Variants in FZD3 observed in about 807,000 individuals in gnomAD.
The protein encoded by FZD3 is frizzled class receptor 3, also known as frizzled-3.
A neutral mutation model predicts 60.7 loss-of-function variants in FZD3; 30 were observed. That is an observed-to-expected ratio of 0.49 (90% CI 0.37 to 0.67). FZD3 has a LOEUF of 0.67. Among genes scored for constraint, FZD3 ranks in the 30% least tolerant of loss-of-function variants. The pLI is 0.00. For synonymous variants in FZD3, 246 were observed against 275.2 expected (o/e 0.89, Z 1.05); for missense variants, 605 against 838.7 (o/e 0.72, Z 3.44).
chr8:28,562,064 A>G lies in FZD3; in HGVS notation c.1788-734A>G, dbSNP rs1349881038. 3.9e-5 allele frequency among the ~76,000 whole-genome samples: 6 copies of G among 152,278 alleles called. 1 individual carries two copies. The South Asian group carries it at 6.2e-4, about 16-fold the overall frequency. On this transcript the variant is annotated intron_variant, in intron 7 of 7. Coordinates refer to ENST00000240093, the MANE Select transcript of FZD3 (RefSeq NM_017412.4). ...CAGTTAGCAGAGGAGCCCAGCTCACATACTCCAAGCTGGGTCTAGAGCTGA... is the reference window on the plus strand; with the variant it reads ...CAGTTAGCAGAGGAGCCCAGCTCACGTACTCCAAGCTGGGTCTAGAGCTGA...
rs920141315 is a variant in FZD3 at position 28,563,733 on chromosome 8, T to G, written c.*722T>G. 4.6e-5 allele frequency: 7 copies of G among 152,514 alleles called. No homozygotes were observed. The highest frequency in any genetic ancestry group is 1.7e-4 in the African/African-American group (7 of 41,450). 9.4% of individuals were successfully genotyped at this position (152,514 alleles called of 1,614,324 possible). On this transcript the variant is annotated 3_prime_UTR_variant, in exon 8 of 8. Transcript: ENST00000240093. ...GTAAATATTACTTTTTCTGGCTGTGTTTTTATAACTTATCCATATGCATGA... is the reference window on the plus strand; with the variant it reads ...GTAAATATTACTTTTTCTGGCTGTGGTTTTATAACTTATCCATATGCATGA...
rs78204739 is a variant in FZD3 at position 28,534,403 on chromosome 8, A to T, written c.1404+6239A>T. 4.6e-3 allele frequency among the ~76,000 whole-genome samples: 706 copies of T among 152,352 alleles called. 24 individuals are homozygous for T. The East Asian group carries it at 0.089, about 19-fold the overall frequency. On this transcript the variant is annotated intron_variant, in intron 5 of 7. Coordinates refer to ENST00000240093, the MANE Select transcript of FZD3 (RefSeq NM_017412.4). Reference sequence around the variant, plus strand: ...CCCCATTTCTACAAAAAATGTAAAAATTAGCCAGGCATGTTGGCATGTGCC... The same window carrying T: ...CCCCATTTCTACAAAAAATGTAAAATTTAGCCAGGCATGTTGGCATGTGCC...
chr8:28,540,033 T>C (rs911153958), intron 5 of FZD3, among the ~76,000 whole-genome samples: 2 of 152,128 alleles, frequency 1.3e-5, no homozygotes, highest in Non-Finnish European at 2.9e-5. Flanking sequence ...AAGGAGTTAT[T>C]GCAACTCTGT....
At chr8:28,540,260 C>T (rs1426466792) in intron 5 of FZD3, among the ~76,000 whole-genome samples, 1 of 152,146 alleles carries the variant, frequency 6.6e-6, no homozygotes, top group Non-Finnish European at 1.5e-5. Flanking sequence ...GACAGAGTCT[C>T]GCTCTGTTAC....
intron 7 of FZD3, among the ~76,000 whole-genome samples, chr8:28,560,107 G>GT (rs1385922095): frequency 1.3e-5 from 2 of 152,052 alleles, no homozygotes; most frequent in East Asian, 3.8e-4. Flanking sequence ...AAATAAGGAG[G>GT]TATTAGTAAA....
chr8:28,504,531 G>C (rs2130282595), intron 3 of FZD3, among the ~76,000 whole-genome samples: 1 of 152,332 alleles, frequency 6.6e-6, no homozygotes, highest in African/African-American at 2.4e-5. Context: ...TGTTTGTCCT[G>C]ACTTGGGTTC....
intron 5 of FZD3, among the ~76,000 whole-genome samples, chr8:28,528,460 C>A: frequency 6.6e-6 from 1 of 151,324 alleles, no homozygotes. Context: ...GGGAGAAGCA[C>A]TTTACCAACG....
chr8:28,537,986 G>T (rs149467392), intron 5 of FZD3, among the ~76,000 whole-genome samples: 1 of 151,776 alleles, frequency 6.6e-6, no homozygotes, highest in Admixed American at 6.6e-5. Flanking sequence ...GCGTGGTGGC[G>T]GGCGCCTGTA....
intron 3 of FZD3, among the ~76,000 whole-genome samples, chr8:28,515,748 G>A (rs1181118363): frequency 6.6e-6 from 1 of 152,170 alleles, no homozygotes; most frequent in East Asian, 1.9e-4. Flanking sequence ...ACCAATTTCA[G>A]GTTTTTCTTA....
rs1258006839 is a variant in FZD3 at position 28,520,774 on chromosome 8, A to C, written c.326A>C (p.Glu109Ala). The change falls in exon 4 of 8, where the codon GAG (glutamate) becomes GCG (alanine). Residue 109 changes from glutamate to alanine, a missense_variant. Transcript: ENST00000240093. ...AGGCTGTGTCAGCGGGCTTACAGTG[A>C]GTGTTCGAAGCTCATGGAGATGTTT... ...CRRLCQRAYS[E>A]CSKLMEMFGV... 1 of 1,610,272 alleles carries C rather than the reference A, an allele frequency of 6.2e-7. No individual in the cohort carries two copies. Among genetic ancestry groups the C allele is most frequent in the Non-Finnish European group, 8.5e-7 (1 of 1,177,982 alleles).
intron 3 of FZD3, among the ~76,000 whole-genome samples, chr8:28,512,875 A>G (rs1428895250): frequency 2.0e-5 from 3 of 152,184 alleles, no homozygotes; most frequent in Non-Finnish European, 4.4e-5. Flanking sequence ...CACCCATATA[A>G]CAATAATTAT....
intron 5 of FZD3, among the ~76,000 whole-genome samples, chr8:28,541,886 C>T (rs1018549495): frequency 2.6e-5 from 4 of 152,186 alleles, no homozygotes; most frequent in Admixed American, 2.0e-4. Context: ...AATCCTTCAG[C>T]TTCTCAGTAC....
intron 5 of FZD3, among the ~76,000 whole-genome samples, chr8:28,537,612 CTTTA>C (rs1490613518): frequency 2.0e-5 from 3 of 152,192 alleles, no homozygotes; most frequent in African/African-American, 7.2e-5. Context: ...TCCAATAAAG[CTTTA>C]TTTGTAGAAA....
intron 2 of FZD3, among the ~76,000 whole-genome samples, chr8:28,501,899 A>G (rs1804003809): frequency 6.6e-6 from 1 of 152,238 alleles, no homozygotes; most frequent in Admixed American, 6.5e-5. Flanking sequence ...TGTCTAAAAA[A>G]TAATATAATA....
In FZD3 at chr8:28,527,359, C is replaced by T; in HGVS notation, c.599C>T (p.Ser200Leu). 1 of 1,613,368 alleles carries T rather than the reference C, an allele frequency of 6.2e-7. No homozygotes were observed. The highest frequency in any genetic ancestry group is 8.5e-7 in the Non-Finnish European group (1 of 1,179,304). ...ATGTACTTCAGAAGAGAAGAACTGT[C>T]ATTTGCTCGCTATTTCATAGGATTG... ...PNMYFRREEL[S>L]FARYFIGLIS... The change falls in exon 5 of 8, where the codon TCA becomes TTA. Residue 200 changes from serine (S) to leucine (L), a missense_variant. By Grantham distance (145) the Ser-to-Leu change is moderately radical (BLOSUM62 -2). Coordinates refer to ENST00000240093, the MANE Select transcript of FZD3 (RefSeq NM_017412.4). The surrounding 1 kb of genome is among the most constrained non-coding windows in gnomAD (Gnocchi z 5.0).
intron 5 of FZD3, among the ~76,000 whole-genome samples, chr8:28,529,705 C>A (rs1370587861): frequency 6.6e-6 from 1 of 152,014 alleles, no homozygotes; most frequent in Admixed American, 6.6e-5. Flanking sequence ...ATATTAGCTA[C>A]TGACTTTTTA....
rs767844094 is a variant in FZD3, at chr8:28,527,890, C to T, written c.1130C>T (p.Ala377Val). The change falls in exon 5 of 8, where the codon GCT becomes GTT. Residue 377 changes from alanine (A) to valine (V), a missense_variant. By Grantham distance (64) the Ala-to-Val change is moderately conservative (BLOSUM62 0). Transcript: ENST00000240093. The surrounding 1 kb of genome is among the most constrained non-coding windows in gnomAD (Gnocchi z 5.0). ...DVDALRYFVLAPLCLYVVVGV... is the reference protein window; with the variant it reads ...DVDALRYFVLVPLCLYVVVGV... The stretch of plus-strand genomic sequence containing the variant: ...GATGCATTGAGATATTTTGTTCTTG[C>T]TCCCCTCTGCCTGTATGTGGTAGTT... 3 of 1,614,070 alleles carry T rather than the reference C, an allele frequency of 1.9e-6. No homozygotes were observed. Among genetic ancestry groups the T allele is most frequent in the Non-Finnish European group, 2.5e-6 (3 of 1,179,956 alleles).
chr8:28,520,719 G>A lies in FZD3; in HGVS notation c.271G>A (p.Glu91Lys), dbSNP rs768401363. The A allele has an allele frequency of 6.2e-7, 1 of 1,612,532 alleles. No homozygotes were observed. Among genetic ancestry groups the A allele is most frequent in the Non-Finnish European group, 8.5e-7 (1 of 1,178,890 alleles). ...TGCACTCTACGCTCCTATTTGTATG[G>A]AATATGGACGTGTCACACTTCCCTG... ...LCALYAPICMEYGRVTLPCRR... is the reference protein window; with the variant it reads ...LCALYAPICMKYGRVTLPCRR... Residue 91 changes from glutamate (E) to lysine (K), a missense_variant, in exon 4 of 8, where the codon GAA (glutamate) becomes AAA (lysine). By Grantham distance (56) the Glu-to-Lys change is moderately conservative (BLOSUM62 1). Coordinates refer to ENST00000240093, the MANE Select transcript of FZD3 (RefSeq NM_017412.4).
chr8:28,554,398 T>A (rs2323021), intron 6 of FZD3, among the ~76,000 whole-genome samples: 80,772 of 151,938 alleles, frequency 0.53, 21,990 homozygotes, highest in South Asian at 0.63. Context: ...AGATTTTTAT[T>A]TTTTTTACTA....
Sources: gnomAD v4.1 joint callset for allele counts (sites outside exome capture counted in the v4.1 genomes callset) on GRCh38, gnomAD v4.1.1 for gene constraint, Gnocchi (gnomAD v3.1) non-coding constraint, MANE v1.5 for transcripts, NCBI Gene and HGNC (gene_info 2026-07-23, HGNC 2026-07-21) for gene names.